The following FTO variants were observed in gnomAD, a reference collection of about 807,000 sequenced individuals.
The protein encoded by FTO is FTO alpha-ketoglutarate dependent dioxygenase.
FTO carries 47 observed loss-of-function variants against 63.9 expected under a neutral mutation model. The ratio of observed to expected loss-of-function variants is 0.74; its 90% CI spans 0.58 to 0.94. FTO has a LOEUF of 0.94. Among genes scored for constraint, FTO ranks in the 40% least tolerant of loss-of-function variants. The pLI, the probability that FTO is intolerant of heterozygous loss-of-function variation, is 0.00. For missense variants in FTO, 562 were observed against 618.1 expected (o/e 0.91, Z 0.96); for synonymous variants, 207 against 224.4 (o/e 0.92, Z 0.69).
intron 7 of FTO, among the ~76,000 whole-genome samples, chr16:53,909,529 C>T (rs1204399893): frequency 4.3e-5 from 6 of 140,654 alleles, no homozygotes; most frequent in Non-Finnish European, 6.0e-5. Context: ...CAGAGAGCCC[C>T]GCCTTTTTTT....
intron 8 of FTO, among the ~76,000 whole-genome samples, chr16:54,088,178 C>T (rs898643765): frequency 1.8e-4 from 28 of 152,228 alleles, no homozygotes; most frequent in African/African-American, 6.0e-4. Flanking sequence ...ATGTATCCAA[C>T]GACAAACATA....
At chr16:54,095,875 G>T (rs1271180233) in intron 8 of FTO, among the ~76,000 whole-genome samples, 6 of 152,202 alleles carry the variant, frequency 3.9e-5, no homozygotes, top group African/African-American at 1.4e-4. Flanking sequence ...GACGTCCATG[G>T]TCTGCTTCTG....
intron 1 of FTO, among the ~76,000 whole-genome samples, chr16:53,712,049 T>C (rs1272793099): frequency 2.0e-5 from 3 of 152,330 alleles, no homozygotes; most frequent in Non-Finnish European, 1.5e-5. Context: ...GCTGTGATTA[T>C]GCCACTGCAC....
chr16:53,954,630 G>T (rs187547919), intron 8 of FTO, among the ~76,000 whole-genome samples: 5 of 152,230 alleles, frequency 3.3e-5, no homozygotes, highest in African/African-American at 1.2e-4. Context: ...GCAGGGTAGA[G>T]AGAAGGGTGA....
At chr16:54,015,521 CAT>C (rs2084423286) in intron 8 of FTO, among the ~76,000 whole-genome samples, 3 of 151,896 alleles carry the variant, frequency 2.0e-5, no homozygotes, top group East Asian at 1.9e-4. Flanking sequence ...CACAAATGCC[CAT>C]GGCACAAATG....
chr16:53,832,588 C>T (rs1274245853), intron 3 of FTO, among the ~76,000 whole-genome samples: 6 of 152,042 alleles, frequency 3.9e-5, no homozygotes, highest in Non-Finnish European at 8.8e-5. Flanking sequence ...GATGAGTTGG[C>T]ATTTTCTAGA....
intron 1 of FTO, among the ~76,000 whole-genome samples, chr16:53,796,029 T>A (rs1326373387): frequency 7.6e-6 from 1 of 132,000 alleles, no homozygotes; most frequent in African/African-American, 2.6e-5. Context: ...TAAGGTTTTG[T>A]TTTTTTTCTT....
At chr16:53,788,377 C>T (rs762772221) in intron 1 of FTO, among the ~76,000 whole-genome samples, 11 of 151,890 alleles carry the variant, frequency 7.2e-5, no homozygotes, top group East Asian at 1.9e-4. Flanking sequence ...CTGAGGTGGG[C>T]GGCTCACTTG....
At chr16:53,866,589 A>T (rs1288733403) in intron 4 of FTO, among the ~76,000 whole-genome samples, 3 of 152,070 alleles carry the variant, frequency 2.0e-5, no homozygotes, top group African/African-American at 7.2e-5. Flanking sequence ...TTCTTGTAAG[A>T]GTTTTGGCAG....
At chr16:53,940,346 C>T (rs1047653669) in intron 8 of FTO, among the ~76,000 whole-genome samples, 3 of 152,108 alleles carry the variant, frequency 2.0e-5, no homozygotes, top group Non-Finnish European at 4.4e-5. Context: ...ATAAAGAGCT[C>T]AGAAGCCTGT....
intron 4 of FTO, among the ~76,000 whole-genome samples, chr16:53,849,399 G>A (rs2079722557): frequency 6.6e-6 from 1 of 152,172 alleles, no homozygotes; most frequent in Admixed American, 6.5e-5. Context: ...GAAGAATGCT[G>A]AATGCTGTGT....
intron 7 of FTO, among the ~76,000 whole-genome samples, chr16:53,910,204 C>T (rs1206038318): frequency 1.3e-5 from 2 of 152,090 alleles, no homozygotes; most frequent in Non-Finnish European, 2.9e-5. Flanking sequence ...TGCCTTGTAA[C>T]CAGTACTTCC....
At chr16:53,899,355 C>A (rs1452743886) in intron 7 of FTO, among the ~76,000 whole-genome samples, 1 of 152,006 alleles carries the variant, frequency 6.6e-6, no homozygotes, top group African/African-American at 2.4e-5. Context: ...AGATTTCCCT[C>A]TTCTGGAAAA....
In FTO at chr16:54,114,250, T is replaced by G. The variant is rs2144643381; in HGVS notation, c.*2335T>G. 1 of 152,218 alleles carries G rather than the reference T, an allele frequency of 6.6e-6. No individual in the cohort carries two copies. Among genetic ancestry groups the G allele is most frequent in the African/African-American group, 2.4e-5 (1 of 41,536 alleles). The allele number at this position is 152,218 out of a possible 1,614,324, so 9.4% of individuals were successfully genotyped here. A position where few individuals can be genotyped will look rare whatever the true frequency, so the allele number is the denominator to read the frequency against. ...TTGCCATACTCCCTCTTTTTCTCCG[T>G]TTTTTCATTAATTGTGAACCTGACC... On this transcript the variant is annotated 3_prime_UTR_variant, in exon 9 of 9. Transcript: ENST00000471389.
intron 1 of FTO, among the ~76,000 whole-genome samples, chr16:53,766,240 T>G (rs2077197131): frequency 6.6e-6 from 1 of 152,116 alleles, no homozygotes; most frequent in Non-Finnish European, 1.5e-5. Context: ...GTTGTTTCTT[T>G]TTGGAGATGG....
At chr16:54,079,931 A>G (rs2086099519) in intron 8 of FTO, among the ~76,000 whole-genome samples, 1 of 152,130 alleles carries the variant, frequency 6.6e-6, no homozygotes, top group Non-Finnish European at 1.5e-5. Context: ...AGTCATTACT[A>G]TTTAGGCCAA....
chr16:53,950,830 G>T (rs1264825355), intron 8 of FTO, among the ~76,000 whole-genome samples: 1 of 152,196 alleles, frequency 6.6e-6, no homozygotes, highest in East Asian at 1.9e-4. Flanking sequence ...CGTGGATAAT[G>T]GCTTCAGCCA....
chr16:53,933,859 A>G (rs1446870511), intron 7 of FTO, 126 bp from the exon 8 acceptor site: 2 of 925,486 alleles, frequency 2.2e-6, no homozygotes, highest in Non-Finnish European at 3.3e-6. Flanking sequence ...CATTTACTGC[A>G]TTGATTTGTT....
chr16:53,883,089 T>C (rs557104399), intron 6 of FTO, among the ~76,000 whole-genome samples: 1 of 152,326 alleles, frequency 6.6e-6, no homozygotes, highest in East Asian at 1.9e-4. Flanking sequence ...TATGTCTTTC[T>C]CCATATTTAT....
Sources: gnomAD v4.1 joint callset for allele counts (sites outside exome capture counted in the v4.1 genomes callset) on GRCh38, gnomAD v4.1.1 for gene constraint, MANE v1.5 for transcripts, NCBI Gene and HGNC (gene_info 2026-07-23, HGNC 2026-07-21) for gene names.